Variants in ADGRE5 observed in about 807,000 individuals in gnomAD.
The protein encoded by ADGRE5 is adhesion G protein-coupled receptor E5.
ADGRE5 carries 72 observed loss-of-function variants against 100.3 expected under a neutral mutation model. The observed-to-expected ratio is 0.72, with a 90% CI of 0.59 to 0.87. The LOEUF (loss-of-function observed/expected upper bound fraction) is 0.87. Ranked by LOEUF, ADGRE5 falls within the 40% of genes least tolerant of loss-of-function variation. ADGRE5 has a pLI of 0.00. For missense variants in ADGRE5, 959 were observed against 1,094.7 expected (o/e 0.88, Z 1.75); for synonymous variants, 439 against 447.8 (o/e 0.98, Z 0.25).
intron 1 of ADGRE5, among the ~76,000 whole-genome samples, chr19:14,387,024 AT>A (rs1463507526): frequency 6.6e-6 from 1 of 152,090 alleles, no homozygotes; most frequent in Non-Finnish European, 1.5e-5. Flanking sequence ...CAGAAAAAAA[AT>A]AAAATAAATA....
At position 14,397,799 on chromosome 19, in the gene ADGRE5, G is replaced by T; in HGVS notation, c.767G>T (p.Cys256Phe). ...CCGAATAACCAAAAGGACACTGTCT[G>T]TGAAGGTATGACCTGGCCCTAGAAG... ...GIPNNQKDTVCEDMTFSTWTP... is the reference protein window; with the variant it reads ...GIPNNQKDTVFEDMTFSTWTP... The change falls in exon 7 of 20, where the codon TGT becomes TTT. Residue 256 changes from cysteine (C) to phenylalanine (F), a missense_variant. Cys to Phe is a radical substitution (Grantham distance 205, BLOSUM62 -2). Transcript: ENST00000242786. 2 of 1,182,308 alleles carry T rather than the reference G, an allele frequency of 1.7e-6. No individual in the cohort carries two copies. The highest frequency in any genetic ancestry group is 2.3e-6 in the Non-Finnish European group (2 of 862,108). The allele number at this position is 1,182,308 out of a possible 1,614,324, so 73.2% of individuals were successfully genotyped here. A position where few individuals can be genotyped will look rare whatever the true frequency, so the allele number is the denominator to read the frequency against.
At chr19:14,388,359 T>A in intron 1 of ADGRE5, 91 bp from the exon 2 acceptor site, 1 of 1,518,084 alleles carries the variant, frequency 6.6e-7, no homozygotes, top group Non-Finnish European at 8.9e-7. Context: ...CTGAGAGGGG[T>A]CAGCATCCTC....
intron 3 of ADGRE5, among the ~76,000 whole-genome samples, chr19:14,389,759 G>T (rs1975528822): frequency 6.6e-6 from 1 of 150,576 alleles, no homozygotes. Flanking sequence ...GAGAGAGACA[G>T]AGAAGGAGAG....
rs149485721 is a variant in ADGRE5, at chr19:14,388,963, G to A, written c.190+145G>A. 7.4e-3 allele frequency: 6,314 copies of A among 857,398 alleles called. 263 individuals are homozygous for A. The African/African-American group carries it at 0.09, about 12-fold the overall frequency. The allele number at this position is 857,398 out of a possible 1,614,324, so 53.1% of individuals were successfully genotyped here. ...CAGAGAAAAGAAAAAGAGGGCAGGCGTGGTGGCTCACGCCTGTAATCCCAG... is the reference window on the plus strand; with the variant it reads ...CAGAGAAAAGAAAAAGAGGGCAGGCATGGTGGCTCACGCCTGTAATCCCAG... On this transcript the variant is annotated intron_variant, in intron 3 of 19. Transcript: ENST00000242786.
rs1887169771 is a variant in ADGRE5 at position 14,408,492 on chromosome 19, G to A, written c.*371G>A. 4.1e-6 allele frequency: 2 copies of A among 490,946 alleles called. No homozygotes were observed. The highest frequency in any genetic ancestry group is 1.9e-5 in the African/African-American group (1 of 52,226). The allele number at this position is 490,946 out of a possible 1,614,324, so 30.4% of individuals were successfully genotyped here. On this transcript the variant is annotated 3_prime_UTR_variant, in exon 20 of 20. Transcript: ENST00000242786. ...CCTCTCATGTCTTTGCTGCAGAACT[G>A]AAGAGACTAGGCGCTGGGGCTCAGC...
chr19:14,391,826 A>T (rs1819522016), intron 4 of ADGRE5, among the ~76,000 whole-genome samples: 2 of 152,254 alleles, frequency 1.3e-5, no homozygotes, highest in South Asian at 4.1e-4. Context: ...GGCCGGGCGC[A>T]GTGGCTCACA....
chr19:14,388,568 C>CTT, intron 2 of ADGRE5, 68 bp downstream of exon 2: 1 of 1,593,556 alleles, frequency 6.3e-7, no homozygotes, highest in South Asian at 1.1e-5. Flanking sequence ...GGACCCCCGC[C>CTT]CAGCCCCCTT....
At chr19:14,398,331 C>A in intron 9 of ADGRE5, 192 bp downstream of exon 9, 1 of 599,544 alleles carries the variant, frequency 1.7e-6, no homozygotes. Flanking sequence ...CACGCATGCA[C>A]ACACACACAC....
rs775060920 is a variant in ADGRE5 at position 14,406,859 on chromosome 19, C to T, written c.2116-10C>T. ...CTCGCCCTCTAACCCACAATCTGCT[C>T]CCTGCCCAGTGCAATGCTGTCATTT... On this transcript the variant is annotated splice_polypyrimidine_tract_variant and intron_variant, in intron 16 of 19. Transcript: ENST00000242786. This position sits in a 1 kb window ranked among gnomAD's most constrained non-coding sequence, Gnocchi z 6.0. 1 of 1,613,778 alleles carries T rather than the reference C, an allele frequency of 6.2e-7. No individual in the cohort carries two copies. The highest frequency in any genetic ancestry group is 8.5e-7 in the Non-Finnish European group (1 of 1,179,620).
intron 9 of ADGRE5, 128 bp downstream of exon 9, chr19:14,398,267 C>T (rs997102612): frequency 1.1e-5 from 8 of 759,606 alleles, no homozygotes; most frequent in Non-Finnish European, 1.8e-5. Context: ...GCATAACATA[C>T]ACACACCACA....
chr19:14,398,408 G>A (rs556115287), intron 9 of ADGRE5: 34 of 432,832 alleles, frequency 7.9e-5, no homozygotes, highest in African/African-American at 5.2e-4. Context: ...GGTGGCTCAC[G>A]CCTGTAATCC....
At position 14,405,835 on chromosome 19, in the gene ADGRE5, C is replaced by G. The variant is rs759326189; in HGVS notation, c.1717C>G (p.Arg573Gly). The change falls in exon 14 of 20, where the codon CGG becomes GGG. Residue 573 changes from arginine to glycine, a missense_variant. Physicochemically the swap from Arg to Gly is moderately radical, Grantham distance 125. Coordinates refer to ENST00000242786, the MANE Select transcript of ADGRE5 (RefSeq NM_078481.4). Reference protein sequence around the residue: ...LLCILTFLLVRPIQGSRTTIH... With the variant: ...LLCILTFLLVGPIQGSRTTIH... ...GTGCATCCTCACTTTCCTGCTGGTG[C>G]GGCCCATCCAGGGCTCGCGCACCAC... is the stretch of plus-strand genomic sequence containing the variant. The G allele has an allele frequency of 4.3e-6, 7 of 1,613,356 alleles. No individual in the cohort carries two copies. The highest frequency in any genetic ancestry group is 1.3e-5 in the African/African-American group (1 of 74,934).
At chr19:14,392,729 C>A (rs1028735426) in intron 4 of ADGRE5, among the ~76,000 whole-genome samples, 2 of 151,714 alleles carry the variant, frequency 1.3e-5, no homozygotes, top group African/African-American at 4.8e-5. Flanking sequence ...ATGGCGAAAC[C>A]CTGTGTCTAC....
chr19:14,406,787 C>A lies in ADGRE5; in HGVS notation c.2115+21C>A. On this transcript the variant is annotated intron_variant, in intron 16 of 19. Coordinates refer to ENST00000242786, the MANE Select transcript of ADGRE5 (RefSeq NM_078481.4). This position sits in a 1 kb window ranked among gnomAD's most constrained non-coding sequence, Gnocchi z 6.0. ...TTTTGGTAAGTACCCACTCTCCCTC[C>A]ACCGAAGCCCGAGCGCCACAGGCCC... 6.2e-7 allele frequency: 1 copy of A among 1,613,552 alleles called. No individual in the cohort carries two copies. Among genetic ancestry groups the A allele is most frequent in the South Asian group, 1.1e-5 (1 of 91,074 alleles).
At chr19:14,384,531 G>A (rs947871361) in intron 1 of ADGRE5, among the ~76,000 whole-genome samples, 1 of 152,106 alleles carries the variant, frequency 6.6e-6, no homozygotes, top group African/African-American at 2.4e-5. Context: ...TGGATTATTG[G>A]GGTCCCCAGT....
intron 12 of ADGRE5, among the ~76,000 whole-genome samples, chr19:14,403,525 TTA>T (rs1976097402): frequency 6.6e-6 from 1 of 152,044 alleles, no homozygotes; most frequent in Non-Finnish European, 1.5e-5. Context: ...GCTAATTTTT[TTA>T]TTTTTGATAG....
chr19:14,407,471 G>A (rs1188453446), intron 18 of ADGRE5, among the ~76,000 whole-genome samples: 1 of 152,082 alleles, frequency 6.6e-6, no homozygotes, highest in Non-Finnish European at 1.5e-5. Flanking sequence ...CCAACATGGT[G>A]AAACCCTGTC....
At chr19:14,394,499 A>T (rs560595801) in intron 4 of ADGRE5, among the ~76,000 whole-genome samples, 19 of 152,204 alleles carry the variant, frequency 1.2e-4, no homozygotes, top group African/African-American at 4.1e-4. Context: ...GAGACTCGGG[A>T]CACTCCACAG....
At chr19:14,400,169 A>G (rs1024585874) in intron 9 of ADGRE5, among the ~76,000 whole-genome samples, 17 of 152,054 alleles carry the variant, frequency 1.1e-4, no homozygotes, top group Admixed American at 5.2e-4. Flanking sequence ...ACAGGCGCCC[A>G]CCACCACGCC....
Sources: gnomAD v4.1 joint callset for allele counts (sites outside exome capture counted in the v4.1 genomes callset) on GRCh38, gnomAD v4.1.1 for gene constraint, Gnocchi (gnomAD v3.1) non-coding constraint, MANE v1.5 for transcripts, NCBI Gene and HGNC (gene_info 2026-07-23, HGNC 2026-07-21) for gene names.